The following ZAN variants were observed in gnomAD, a reference collection of about 807,000 sequenced individuals.
ZAN encodes zonadhesin (gene/pseudogene).
ZAN carries 260 observed loss-of-function variants against 286.2 expected under a neutral mutation model. The ratio of observed to expected loss-of-function variants is 0.91; its 90% CI spans 0.82 to 1.01. The LOEUF is 1.01. Among genes scored for constraint, ZAN ranks in the 50% least tolerant of loss-of-function variants. ZAN has a pLI of 0.00. For missense variants in ZAN, 3,410 were observed against 3,639.2 expected, an observed-to-expected ratio of 0.94 and a Z score of 1.62; for synonymous variants, 1,368 against 1,417.5, an observed-to-expected ratio of 0.97 and a Z score of 0.79.
chr7:100,762,414 ACTCT>A (rs763494811), intron 20 of ZAN, 56 bp downstream of exon 20: 19 of 1,341,472 alleles, frequency 1.4e-5, no homozygotes, highest in Middle Eastern at 2.2e-4. Context: ...CCTTCCTGGA[ACTCT>A]CTTTTTTTTT....
At position 100,791,964 on chromosome 7, in the gene ZAN, A is replaced by C. The variant is rs902155549; in HGVS notation, c.7530-2A>C. ...CTGACCCCGTGGCTGTCTCTACTGC[A>C]GGGCTATACCAGCGGAGGAGGAGGG... On this transcript the variant is annotated splice_acceptor_variant, in intron 40 of 47. Coordinates refer to ENST00000613979, the MANE Select transcript of ZAN (RefSeq NM_003386.3). LOFTEE classifies it high-confidence loss of function. 6.2e-7 allele frequency: 1 copy of C among 1,609,850 alleles called. No individual in the cohort carries two copies. Among genetic ancestry groups the C allele is most frequent in the Non-Finnish European group, 8.5e-7 (1 of 1,178,172 alleles).
At position 100,797,763 on chromosome 7, in the gene ZAN, G is replaced by A; in HGVS notation, c.*31G>A. The A allele has an allele frequency of 6.2e-7, 1 of 1,611,858 alleles. No homozygotes were observed. Among genetic ancestry groups the A allele is most frequent in the Non-Finnish European group, 8.5e-7 (1 of 1,178,876 alleles). ...TCAGTTTTGAGCTGTCTTCAGACAA[G>A]AAGATTAAATAAATTTATATATTTA... On this transcript the variant is annotated 3_prime_UTR_variant, in exon 48 of 48. Transcript: ENST00000613979.
At chr7:100,772,767 C>G (rs975459568) in intron 29 of ZAN, among the ~76,000 whole-genome samples, 38 of 150,330 alleles carry the variant, frequency 2.5e-4, no homozygotes, top group Admixed American at 9.3e-4. Flanking sequence ...CTTGCAGTGA[C>G]CCAAGATCAT....
chr7:100,762,473 T>C, intron 20 of ZAN, 115 bp downstream of exon 20: 1 of 1,312,770 alleles, frequency 7.6e-7, no homozygotes, highest in Non-Finnish European at 1.0e-6. Flanking sequence ...TCGCTTAGGC[T>C]GGAGTGCAGT....
rs1812277349 is a variant in ZAN, at chr7:100,795,204, T to A, written c.8134T>A (p.Cys2712Ser). The A allele has an allele frequency of 1.9e-6, 3 of 1,607,938 alleles. No individual in the cohort carries two copies. In the East Asian group the frequency reaches 6.8e-5, roughly 36 times the overall value. ...CCTCTCTGTCCTTGCAGAAAGCCCG[T>A]GTCTGCAGAACCCCTGTCAGAATGA... ...HTQGCFPESPCLQNPCQNDGQ... is the reference protein window; with the variant it reads ...HTQGCFPESPSLQNPCQNDGQ... Residue 2712 changes from cysteine to serine, a missense_variant, in exon 45 of 48, where the codon TGT becomes AGT. Physicochemically the swap from Cys to Ser is moderately radical, Grantham distance 112. Coordinates refer to ENST00000613979, the MANE Select transcript of ZAN (RefSeq NM_003386.3).
intron 24 of ZAN, 95 bp downstream of exon 24, chr7:100,766,761 A>C (rs1271396078): frequency 6.8e-7 from 1 of 1,476,436 alleles, no homozygotes; most frequent in Non-Finnish European, 9.0e-7. Context: ...CAGACAGCTG[A>C]GTCTCCACCA....
In ZAN at chr7:100,767,053, C is replaced by T. The variant is rs1289859764; in HGVS notation, c.4656C>T (p.Thr1552=). 1.2e-6 allele frequency: 2 copies of T among 1,613,940 alleles called. No individual in the cohort carries two copies. Among genetic ancestry groups the T allele is most frequent in the Non-Finnish European group, 1.7e-6 (2 of 1,179,860 alleles). ...CCTCGGGTGACCCCCACTACCTGAC[C>T]TTCGATGGCGCCTTGCACCACTTCA... ...CTASGDPHYL[T]FDGALHHFMG... is the part of the protein sequence containing the mutation. Residue 1552 remains threonine, a synonymous_variant, in exon 25 of 48, where the codon ACC becomes ACT. Transcript: ENST00000613979.
At position 100,734,131 on chromosome 7, in the gene ZAN, CT is replaced by C; in HGVS notation, c.-36del. 7.4e-7 allele frequency: 1 copy of C among 1,360,430 alleles called. No individual in the cohort carries two copies. The highest frequency in any genetic ancestry group is 1.0e-6 in the Non-Finnish European group (1 of 984,424). 84.3% of individuals were successfully genotyped at this position (1,360,430 alleles called of 1,614,324 possible). A position where few individuals can be genotyped will look rare whatever the true frequency, so the allele number is the denominator to read the frequency against. Reference sequence around the variant, plus strand: ...AGGAGTCCAGGCTCCCAACTGTGCCCTTCCCCTCTCCCCTGGGAGCAACCAC... The same window carrying C: ...AGGAGTCCAGGCTCCCAACTGTGCCCTCCCCTCTCCCCTGGGAGCAACCAC... On this transcript the variant is annotated 5_prime_UTR_variant, in exon 2 of 48. Transcript: ENST00000613979.
Position 100,771,872 on chromosome 7 carries a change from G to A in ZAN, c.5277G>A (p.Val1759=), listed in dbSNP as rs764347640. The A allele has an allele frequency of 1.2e-6, 2 of 1,612,910 alleles. No individual in the cohort carries two copies. Among genetic ancestry groups the A allele is most frequent in the African/African-American group, 2.7e-5 (2 of 74,988 alleles). Residue 1759 remains valine, a synonymous_variant, in exon 29 of 48, where the codon GTG becomes GTA. Transcript: ENST00000613979. ...QGPFSQCHQV[V]PPQSSFASCV... Reference sequence around the variant, plus strand: ...CCTTCTCTCAATGTCACCAGGTGGTGCCTCCCCAGTCCAGCTTTGCCAGTT... The same window carrying A: ...CCTTCTCTCAATGTCACCAGGTGGTACCTCCCCAGTCCAGCTTTGCCAGTT...
Position 100,750,647 on chromosome 7 carries a change from G to A in ZAN, c.1272G>A (p.Glu424=), listed in dbSNP as rs1229851853. ...TAGGGGGTCACTATATCTACCTTGA[G>A]GCTGACGAGTTCTCCCAGGCAGGCC... ...PNAGGHYIYL[E]ADEFSQAGQS... The change falls in exon 12 of 48, where the codon GAG becomes GAA. Residue 424 remains glutamate (E), a synonymous_variant. Transcript: ENST00000613979. 6.2e-7 allele frequency: 1 copy of A among 1,613,440 alleles called. No individual in the cohort carries two copies. Among genetic ancestry groups the A allele is most frequent in the Non-Finnish European group, 8.5e-7 (1 of 1,179,710 alleles).
Position 100,758,547 on chromosome 7 carries a change from C to T in ZAN, c.3468C>T (p.Cys1156=). The T allele has an allele frequency of 6.4e-7, 1 of 1,561,096 alleles. No individual in the cohort carries two copies. Among genetic ancestry groups the T allele is most frequent in the Non-Finnish European group, 8.7e-7 (1 of 1,152,494 alleles). ...CCCTCCCAGCAGGCACTGCCACCTG[C>T]TTGGTCTACGGAGACCCTCATTATG... ...GCHPYAGTAT[C]LVYGDPHYVT... is the part of the protein sequence containing the mutation. Residue 1156 remains cysteine (C), a synonymous_variant, in exon 17 of 48, where the codon TGC becomes TGT. Coordinates refer to ENST00000613979, the MANE Select transcript of ZAN (RefSeq NM_003386.3).
intron 37 of ZAN, among the ~76,000 whole-genome samples, chr7:100,786,505 A>C (rs1811576273): frequency 6.6e-6 from 1 of 152,106 alleles, no homozygotes; most frequent in African/African-American, 2.4e-5. Context: ...AATGCCTGCA[A>C]TCATGTGATC....
In ZAN at chr7:100,738,549, T is replaced by G; in HGVS notation, c.702T>G (p.Thr234=). ...CAACTGCCTCCGGGGCCAAGTGGAC[T>G]CAGAAGAAAGGGTCATCAGGAAAGC... The part of the protein sequence containing the change: ...WIPTASGAKW[T]QKKGSSGKPG... Residue 234 remains threonine, a synonymous_variant, in exon 7 of 48, where the codon ACT becomes ACG. Coordinates refer to ENST00000613979, the MANE Select transcript of ZAN (RefSeq NM_003386.3). The G allele has an allele frequency of 6.6e-7, 1 of 1,514,000 alleles. No homozygotes were observed. The highest frequency in any genetic ancestry group is 1.4e-5 in the African/African-American group (1 of 71,112). The allele number at this position is 1,514,000 out of a possible 1,614,324, so 93.8% of individuals were successfully genotyped here.
chr7:100,764,289 G>A lies in ZAN; in HGVS notation c.4267+93G>A, dbSNP rs1384617725. The A allele has an allele frequency of 3.6e-6, 5 of 1,399,050 alleles. No individual in the cohort carries two copies. In the East Asian group the frequency reaches 1.3e-4, roughly 36 times the overall value. 86.7% of individuals were successfully genotyped at this position (1,399,050 alleles called of 1,614,324 possible). ...GGAGTCCGAGGCAGGTGGATCATGA[G>A]ATCAGGAGTTTGGGACCAGCCTGGC... On this transcript the variant is annotated intron_variant, in intron 22 of 47. Transcript: ENST00000613979.
At chr7:100,757,069 T>A (rs1809200223) in intron 15 of ZAN, among the ~76,000 whole-genome samples, 1 of 152,134 alleles carries the variant, frequency 6.6e-6, no homozygotes, top group Non-Finnish European at 1.5e-5. Context: ...CGCCTGGCTG[T>A]ATTCACTTCT....
intron 35 of ZAN, among the ~76,000 whole-genome samples, chr7:100,783,791 T>TATATATATATACACAC (rs1562952416): frequency 1.3e-4 from 2 of 14,938 alleles, no homozygotes; most frequent in African/African-American, 2.4e-4. Flanking sequence ...TATACACATA[T>TATATATATATACACAC]ATATATATAC....
chr7:100,795,278 T>C lies in ZAN; in HGVS notation c.8208T>C (p.Val2736=). Reference sequence around the variant, plus strand: ...CCACCTTCACCTGCGAGTGTGAAGTTGGTTACGGGGGAGGCCTGTGTATGG... The same window carrying C: ...CCACCTTCACCTGCGAGTGTGAAGTCGGTTACGGGGGAGGCCTGTGTATGG... ...QGATFTCECE[V]GYGGGLCMEP... The change falls in exon 45 of 48, where the codon GTT becomes GTC. Residue 2736 remains valine, a synonymous_variant. Transcript: ENST00000613979. 1.9e-6 allele frequency: 3 copies of C among 1,611,512 alleles called. No homozygotes were observed. The highest frequency in any genetic ancestry group is 2.5e-6 in the Non-Finnish European group (3 of 1,178,854).
chr7:100,796,104 CA>C (rs927702207), intron 45 of ZAN, among the ~76,000 whole-genome samples: 1 of 151,690 alleles, frequency 6.6e-6, no homozygotes, highest in East Asian at 1.9e-4. Flanking sequence ...AAACCAAAAA[CA>C]AAACAAAAAA....
intron 36 of ZAN, among the ~76,000 whole-genome samples, chr7:100,785,120 A>T (rs565787642): frequency 1.3e-5 from 2 of 151,636 alleles, no homozygotes; most frequent in South Asian, 4.2e-4. Flanking sequence ...GGTGCCACTG[A>T]TGAGTCAGAT....
Sources: allele counts gnomAD v4.1 joint callset (sites outside exome capture counted in the v4.1 genomes callset), GRCh38; gene constraint gnomAD v4.1.1; transcripts MANE v1.5; gene names NCBI Gene and HGNC (gene_info 2026-07-23, HGNC 2026-07-21).